The following PDGFC variants were observed in gnomAD, a reference collection of about 807,000 sequenced individuals.
PDGFC encodes platelet-derived growth factor C.
PDGFC carries 12 observed loss-of-function variants against 35.5 expected under a neutral mutation model. The observed-to-expected ratio is 0.34, with a 90% confidence interval of 0.22 to 0.55. The LOEUF (loss-of-function observed/expected upper bound fraction) is 0.55, where lower values mean the gene tolerates loss of function less well. PDGFC is among the 20% of genes least tolerant of loss of function. PDGFC has a pLI of 0.91. For synonymous variants in PDGFC, 159 were observed against 148.8 expected (o/e 1.07, Z -0.50); for missense variants, 322 against 412.4 (o/e 0.78, Z 1.90).
At chr4:156,883,418 A>G (rs1730294745) in intron 1 of PDGFC, among the ~76,000 whole-genome samples, 2 of 152,198 alleles carry the variant, frequency 1.3e-5, no homozygotes, top group Non-Finnish European at 2.9e-5. Context: ...CTTAGTGTAC[A>G]ACTCATCACA....
At chr4:156,802,689 T>C (rs1214262078) in intron 3 of PDGFC, among the ~76,000 whole-genome samples, 2 of 152,086 alleles carry the variant, frequency 1.3e-5, no homozygotes, top group Non-Finnish European at 2.9e-5. Context: ...TAACCAGTAT[T>C]TATACTCTTA....
chr4:156,763,304 C>A, intron 5 of PDGFC, 98 bp from the exon 6 acceptor site: 8 of 516,640 alleles, frequency 1.5e-5, no homozygotes, highest in South Asian at 5.9e-5. Context: ...TCTTGGGGCC[C>A]AAGAAAGACA....
intron 1 of PDGFC, among the ~76,000 whole-genome samples, chr4:156,890,059 A>T (rs1275578074): frequency 6.6e-6 from 1 of 151,932 alleles, no homozygotes; most frequent in African/African-American, 2.4e-5. Context: ...GTTAATATGT[A>T]TTAAATATCT....
intron 1 of PDGFC, among the ~76,000 whole-genome samples, chr4:156,901,685 C>T (rs1189923370): frequency 3.9e-5 from 6 of 152,042 alleles, no homozygotes; most frequent in African/African-American, 1.2e-4. Flanking sequence ...GCCAGTGGCA[C>T]GATCTCAGCT....
At chr4:156,780,322 A>G (rs761382175) in intron 3 of PDGFC, among the ~76,000 whole-genome samples, 1 of 152,120 alleles carries the variant, frequency 6.6e-6, no homozygotes, top group Non-Finnish European at 1.5e-5. Context: ...ACTTCCAATG[A>G]AAGAAAATGT....
chr4:156,922,745 C>G (rs1005153128), intron 1 of PDGFC, among the ~76,000 whole-genome samples: 9 of 151,778 alleles, frequency 5.9e-5, no homozygotes, highest in African/African-American at 1.9e-4. Flanking sequence ...GGTTGGGGGT[C>G]GGGGGGTGTT....
chr4:156,960,904 T>G (rs1317322505), intron 1 of PDGFC, among the ~76,000 whole-genome samples: 1 of 152,126 alleles, frequency 6.6e-6, no homozygotes, highest in Non-Finnish European at 1.5e-5. Context: ...GTGTTTTTCC[T>G]ATGTTCTTTA....
chr4:156,926,754 G>A (rs771729134), intron 1 of PDGFC, among the ~76,000 whole-genome samples: 15 of 152,160 alleles, frequency 9.9e-5, no homozygotes, highest in Admixed American at 3.3e-4. Flanking sequence ...GTGGGCTGGC[G>A]TTGAGTGTCT....
intron 1 of PDGFC, among the ~76,000 whole-genome samples, chr4:156,943,437 C>T (rs1397230322): frequency 1.3e-5 from 2 of 151,998 alleles, no homozygotes; most frequent in Admixed American, 1.3e-4. Flanking sequence ...GAATCTCAGG[C>T]CCCACCCGCA....
intron 2 of PDGFC, among the ~76,000 whole-genome samples, chr4:156,828,643 C>T (rs1268867373): frequency 6.6e-6 from 1 of 151,912 alleles, no homozygotes; most frequent in Non-Finnish European, 1.5e-5. Context: ...TATATATATG[C>T]ATGTATATAT....
At chr4:156,794,470 C>A (rs899983756) in intron 3 of PDGFC, among the ~76,000 whole-genome samples, 1 of 150,080 alleles carries the variant, frequency 6.7e-6, no homozygotes, top group African/African-American at 2.5e-5. Context: ...GATAGGGAAG[C>A]ATTTAAGAAG....
At chr4:156,820,819 A>G (rs769359590) in intron 2 of PDGFC, among the ~76,000 whole-genome samples, 3 of 152,240 alleles carry the variant, frequency 2.0e-5, no homozygotes, top group Admixed American at 6.5e-5. Flanking sequence ...TAAAATTTCA[A>G]ATCAAGGTAA....
rs769629986 is a variant in PDGFC, at chr4:156,772,881, C to A, written c.508G>T (p.Ala170Ser). The A allele has an allele frequency of 6.2e-7, 1 of 1,610,222 alleles. No homozygotes were observed. Among genetic ancestry groups the A allele is most frequent in the South Asian group, 1.1e-5 (1 of 91,008 alleles). Residue 170 changes from alanine to serine, a missense_variant, in exon 4 of 6, where the codon GCT becomes TCT. Coordinates refer to ENST00000502773, the MANE Select transcript of PDGFC (RefSeq NM_016205.3). ...GGGGGTAGCACTGAAGGACTCACAG[C>A]TTCTGTGAATTGCTGAAAGTAAAAT... ...YNIVMPQFTE[A>S]VSPSVLPPSA...
chr4:156,816,703 C>T (rs1264484008), intron 2 of PDGFC, among the ~76,000 whole-genome samples: 1 of 152,172 alleles, frequency 6.6e-6, no homozygotes, highest in Non-Finnish European at 1.5e-5. Context: ...ACGAGTCAAA[C>T]CTTAGAGCCC....
At chr4:156,950,858 T>C (rs1732064000) in intron 1 of PDGFC, among the ~76,000 whole-genome samples, 1 of 151,786 alleles carries the variant, frequency 6.6e-6, no homozygotes, top group African/African-American at 2.4e-5. Flanking sequence ...AAAAGTAAAA[T>C]GACAATTGAT....
chr4:156,893,306 A>G (rs1730556808), intron 1 of PDGFC, among the ~76,000 whole-genome samples: 1 of 151,174 alleles, frequency 6.6e-6, no homozygotes, highest in Non-Finnish European at 1.5e-5. Flanking sequence ...CAGACCATAT[A>G]GACGCAACAA....
intron 3 of PDGFC, chr4:156,779,116 C>A: frequency 2.2e-6 from 1 of 456,124 alleles, no homozygotes; most frequent in South Asian, 1.5e-5. Flanking sequence ...GCAGACAGGG[C>A]ATGCAGACAC....
At chr4:156,852,795 T>C (rs1005312191) in intron 1 of PDGFC, among the ~76,000 whole-genome samples, 7 of 152,214 alleles carry the variant, frequency 4.6e-5, no homozygotes, top group Admixed American at 3.3e-4. Flanking sequence ...TGATTCTTTA[T>C]TTCTGGCTTT....
intron 1 of PDGFC, among the ~76,000 whole-genome samples, chr4:156,884,516 TAGAC>T (rs1215359986): frequency 1.3e-5 from 2 of 152,214 alleles, no homozygotes; most frequent in African/African-American, 2.4e-5. Context: ...TTTAATATCT[TAGAC>T]AGTCGAGTAT....
Sources: allele counts gnomAD v4.1 joint callset (sites outside exome capture counted in the v4.1 genomes callset), GRCh38; gene constraint gnomAD v4.1.1; transcripts MANE v1.5; gene names NCBI Gene and HGNC (gene_info 2026-07-23, HGNC 2026-07-21).